Variants in POU6F2 observed in about 807,000 individuals in gnomAD.
POU6F2 encodes POU class 6 homeobox 2.
Under a neutral mutation model 71.3 loss-of-function variants are expected in POU6F2, and 31 were observed. The observed-to-expected ratio is 0.43, with a 90% CI of 0.33 to 0.59. The LOEUF (loss-of-function observed/expected upper bound fraction) is 0.59. Ranked by LOEUF, POU6F2 falls within the 20% of genes least tolerant of loss-of-function variation. POU6F2 has a pLI of 0.04. For synonymous variants in POU6F2, 347 were observed against 355.7 expected (o/e 0.98, Z 0.27); for missense variants, 783 against 856.8 (o/e 0.91, Z 1.07).
chr7:39,030,101 A>G (rs1789903313), intron 1 of POU6F2, among the ~76,000 whole-genome samples: 1 of 151,914 alleles, frequency 6.6e-6, no homozygotes, highest in Non-Finnish European at 1.5e-5. Flanking sequence ...AATTAAAATT[A>G]CTTTTTGAAA....
intron 2 of POU6F2, among the ~76,000 whole-genome samples, chr7:39,192,798 A>G (rs1276714254): frequency 6.6e-6 from 1 of 152,166 alleles, no homozygotes; most frequent in African/African-American, 2.4e-5. Flanking sequence ...GTCTGATACA[A>G]GTTAGGAGCT....
intron 2 of POU6F2, among the ~76,000 whole-genome samples, chr7:39,116,562 GCTAA>G (rs2128726689): frequency 6.6e-6 from 1 of 152,214 alleles, no homozygotes; most frequent in East Asian, 1.9e-4. Context: ...AAATAGGGAG[GCTAA>G]CTGTTTAATA....
At chr7:39,062,475 A>G (rs979321309) in intron 1 of POU6F2, among the ~76,000 whole-genome samples, 1 of 151,436 alleles carries the variant, frequency 6.6e-6, no homozygotes, top group African/African-American at 2.4e-5. Flanking sequence ...AAGTGACTAC[A>G]TAGAAAGTAG....
chr7:39,283,362 C>A (rs1435608616), intron 4 of POU6F2, among the ~76,000 whole-genome samples: 2 of 152,126 alleles, frequency 1.3e-5, no homozygotes, highest in Non-Finnish European at 2.9e-5. Context: ...TCATTGCTAT[C>A]CATCTCCAGA....
At chr7:39,159,565 T>A (rs1303805180) in intron 2 of POU6F2, among the ~76,000 whole-genome samples, 1 of 152,166 alleles carries the variant, frequency 6.6e-6, no homozygotes, top group African/African-American at 2.4e-5. Flanking sequence ...CATAAGCATA[T>A]CTAGCTCAAT....
intron 2 of POU6F2, among the ~76,000 whole-genome samples, chr7:39,159,306 A>G (rs1792938075): frequency 6.6e-6 from 1 of 152,182 alleles, no homozygotes; most frequent in Non-Finnish European, 1.5e-5. Context: ...TTATAATTAC[A>G]CAAAGATATA....
intron 4 of POU6F2, among the ~76,000 whole-genome samples, chr7:39,298,881 A>G (rs1183765619): frequency 1.3e-5 from 2 of 152,174 alleles, no homozygotes; most frequent in Non-Finnish European, 2.9e-5. Flanking sequence ...CTGGAAGCCA[A>G]CATCCTCAGC....
intron 5 of POU6F2, among the ~76,000 whole-genome samples, chr7:39,389,391 T>C (rs768679128): frequency 8.5e-5 from 13 of 152,200 alleles, no homozygotes; most frequent in Non-Finnish European, 1.2e-4. Flanking sequence ...ATAATGACTA[T>C]ACTTTGGTTA....
chr7:39,049,449 C>T (rs1790361735), intron 1 of POU6F2, among the ~76,000 whole-genome samples: 1 of 151,872 alleles, frequency 6.6e-6, no homozygotes, highest in Non-Finnish European at 1.5e-5. Flanking sequence ...TGTTTAATTT[C>T]CAAATATTTG....
At chr7:39,069,733 T>A (rs112262658) in intron 1 of POU6F2, among the ~76,000 whole-genome samples, 8 of 152,238 alleles carry the variant, frequency 5.3e-5, no homozygotes, top group African/African-American at 1.9e-4. Flanking sequence ...ATTAAGAAAA[T>A]CTTAAGGAAA....
At chr7:39,318,319 C>T (rs1335387064) in intron 4 of POU6F2, among the ~76,000 whole-genome samples, 1 of 152,162 alleles carries the variant, frequency 6.6e-6, no homozygotes, top group African/African-American at 2.4e-5. Flanking sequence ...ATTCCTCAGC[C>T]CACTACAGGG....
At chr7:39,400,947 G>A (rs1787288452) in intron 5 of POU6F2, among the ~76,000 whole-genome samples, 1 of 152,176 alleles carries the variant, frequency 6.6e-6, no homozygotes, top group Admixed American at 6.5e-5. Flanking sequence ...AGATAAACAG[G>A]ATTTATTGGG....
intron 7 of POU6F2, among the ~76,000 whole-genome samples, chr7:39,447,171 T>G (rs1788544149): frequency 6.6e-6 from 1 of 152,186 alleles, no homozygotes; most frequent in Non-Finnish European, 1.5e-5. Flanking sequence ...ACATGGCATT[T>G]TAAATAGGGA....
chr7:39,080,855 T>G (rs1264392031), intron 1 of POU6F2, among the ~76,000 whole-genome samples: 1 of 152,242 alleles, frequency 6.6e-6, no homozygotes, highest in Non-Finnish European at 1.5e-5. Flanking sequence ...GACTATAAAA[T>G]GAGAATGAAT....
chr7:38,981,606 G>C (rs1788318098), intron 1 of POU6F2, among the ~76,000 whole-genome samples: 3 of 152,130 alleles, frequency 2.0e-5, no homozygotes, highest in Admixed American at 6.5e-5. Flanking sequence ...AGAGACAGCT[G>C]GATAAAGTGA....
At chr7:39,014,302 G>C (rs1789414020) in intron 1 of POU6F2, among the ~76,000 whole-genome samples, 1 of 152,168 alleles carries the variant, frequency 6.6e-6, no homozygotes, top group Admixed American at 6.5e-5. Context: ...TTCAGACAGG[G>C]TGTGGAAATG....
At chr7:39,416,401 G>A (rs1036851002) in intron 6 of POU6F2, among the ~76,000 whole-genome samples, 1 of 152,126 alleles carries the variant, frequency 6.6e-6, no homozygotes, top group African/African-American at 2.4e-5. Context: ...TGAGTGCTTC[G>A]TATGGGCACT....
intron 5 of POU6F2, among the ~76,000 whole-genome samples, chr7:39,372,720 C>T (rs1321083201): frequency 2.6e-5 from 4 of 152,192 alleles, no homozygotes; most frequent in African/African-American, 7.2e-5. Flanking sequence ...AATTAACGAT[C>T]ACCAGGGGAT....
At chr7:39,276,243 A>T (rs1364967384) in intron 4 of POU6F2, among the ~76,000 whole-genome samples, 6 of 152,106 alleles carry the variant, frequency 3.9e-5, no homozygotes, top group Non-Finnish European at 7.4e-5. Flanking sequence ...TGGGCAAAGG[A>T]TATGAACAGA....
Sources: allele counts gnomAD v4.1 joint callset (sites outside exome capture counted in the v4.1 genomes callset), GRCh38; gene constraint gnomAD v4.1.1; transcripts MANE v1.5; gene names NCBI Gene and HGNC (gene_info 2026-07-23, HGNC 2026-07-21).